TDRD12: variants seen among roughly 807,000 people sequenced by gnomAD.
TDRD12 encodes the protein tudor domain containing 12, also known as putative ATP-dependent RNA helicase TDRD12.
TDRD12 carries 158 observed loss-of-function variants against 133.5 expected under a neutral mutation model. The observed-to-expected ratio is 1.18, with a 90% confidence interval of 1.04 to 1.35. The LOEUF (loss-of-function observed/expected upper bound fraction) is 1.35. Among genes scored for constraint, TDRD12 ranks in the 40% most tolerant of loss-of-function variants. The pLI is 0.00. For missense variants in TDRD12, 1,443 were observed against 1,321.3 expected (o/e 1.09, Z -1.43); for synonymous variants, 460 against 477.9 (o/e 0.96, Z 0.49).
chr19:32,793,185 C>CAATAATAAT (rs36078920), intron 13 of TDRD12, among the ~76,000 whole-genome samples: 14 of 149,340 alleles, frequency 9.4e-5, no homozygotes, highest in African/African-American at 3.2e-4. Flanking sequence ...ACTCTGTCTA[C>CAATAATAAT]AATAATAATA....
At chr19:32,823,695 A>C (rs1451101288), downstream of TDRD12, among the ~76,000 whole-genome samples, 2 of 152,206 alleles carry the variant, frequency 1.3e-5, no homozygotes, top group East Asian at 3.9e-4. Flanking sequence ...CCACTGGAAA[A>C]GGGTTCTGAA....
chr19:32,727,063 A>G (rs1384950742), intron 1 of TDRD12, among the ~76,000 whole-genome samples: 3 of 152,188 alleles, frequency 2.0e-5, no homozygotes, highest in South Asian at 2.1e-4. Flanking sequence ...ACAGTGCACA[A>G]TGATTCCAGT....
intron 8 of TDRD12, among the ~76,000 whole-genome samples, chr19:32,769,962 C>T (rs764454574): frequency 2.0e-5 from 3 of 150,014 alleles, no homozygotes; most frequent in African/African-American, 4.9e-5. Flanking sequence ...TATATTTGGA[C>T]GTCTTTTCAT....
chr19:32,790,985 C>T lies in TDRD12; in HGVS notation c.1204C>T (p.Gln402Ter). 6.5e-7 allele frequency: 1 copy of T among 1,536,010 alleles called. No homozygotes were observed. Among genetic ancestry groups the T allele is most frequent in the East Asian group, 2.4e-5 (1 of 40,916 alleles). ...TCAGTTGCAGAAGCTGAAGGGCCTG[C>T]AGCCGCCCGTGGTAGTGCTCCGGAA... is the stretch of plus-strand genomic sequence containing the variant. The change falls in exon 13 of 28, where the codon CAG becomes TAG. Residue 402 changes from glutamine (Q) to a stop codon, truncating the protein, a stop_gained. Coordinates refer to ENST00000444215, the Ensembl canonical transcript of TDRD12. LOFTEE classifies it high-confidence loss of function.
downstream of TDRD12, chr19:32,824,319 T>C (rs1967511151): frequency 6.6e-6 from 1 of 152,608 alleles, no homozygotes; most frequent in South Asian, 2.1e-4. Flanking sequence ...CTCCGCAGGA[T>C]CTGCCAGCCC....
At chr19:32,780,084 C>CTTT (rs11395360) in intron 11 of TDRD12, among the ~76,000 whole-genome samples, 35 of 127,758 alleles carry the variant, frequency 2.7e-4, no homozygotes, top group African/African-American at 6.2e-4. Context: ...TTTTTCTTTT[C>CTTT]TTTTTTTTTT....
intron 26 of TDRD12, among the ~76,000 whole-genome samples, chr19:32,816,708 C>T (rs992776156): frequency 2.0e-5 from 3 of 152,170 alleles, no homozygotes; most frequent in Non-Finnish European, 4.4e-5. Context: ...GCTGCGCCAG[C>T]GTCTCCTCCC....
chr19:32,783,427 A>G (rs1213135622), intron 11 of TDRD12, among the ~76,000 whole-genome samples: 1 of 151,962 alleles, frequency 6.6e-6, no homozygotes, highest in Non-Finnish European at 1.5e-5. Flanking sequence ...TTCTTCCCCA[A>G]GATTGTCTTG....
chr19:32,829,222 G>A (rs538821133), exon 10 of TDRD12: 31 of 152,362 alleles, frequency 2.0e-4, no homozygotes, highest in African/African-American at 7.0e-4. Flanking sequence ...CAGGTGCGCC[G>A]AGTCTCTTTC....
chr19:32,725,843 G>C (rs1190357008), intron 1 of TDRD12, among the ~76,000 whole-genome samples: 1 of 152,034 alleles, frequency 6.6e-6, no homozygotes, highest in Non-Finnish European at 1.5e-5. Flanking sequence ...CTATCCGCGA[G>C]CATGGAATGT....
intron 22 of TDRD12, among the ~76,000 whole-genome samples, chr19:32,809,273 C>G (rs553990178): frequency 1.3e-3 from 192 of 152,268 alleles, no homozygotes; most frequent in Non-Finnish European, 1.9e-3. Context: ...CAGCCTTCAC[C>G]CACTGTGGAG....
chr19:32,732,500 G>A (rs1424389155), intron 2 of TDRD12, among the ~76,000 whole-genome samples: 4 of 152,190 alleles, frequency 2.6e-5, no homozygotes, highest in Non-Finnish European at 5.9e-5. Flanking sequence ...AGAGGGAATA[G>A]GGTCTTCAGT....
chr19:32,779,229 G>A (rs564139680), intron 11 of TDRD12, among the ~76,000 whole-genome samples: 1 of 152,350 alleles, frequency 6.6e-6, no homozygotes, highest in East Asian at 1.9e-4. Context: ...TGTGGGCAGA[G>A]GGGCACAGGG....
At chr19:32,756,604 G>C (rs1970002560) in intron 7 of TDRD12, among the ~76,000 whole-genome samples, 1 of 152,096 alleles carries the variant, frequency 6.6e-6, no homozygotes, top group Non-Finnish European at 1.5e-5. Context: ...CAGCCAGGAT[G>C]GTCTCAATCT....
intron 10 of TDRD12, among the ~76,000 whole-genome samples, chr19:32,775,811 G>T (rs998009841): frequency 1.3e-5 from 2 of 152,084 alleles, no homozygotes; most frequent in African/African-American, 4.8e-5. Context: ...CGTTTCCCTT[G>T]GCAGTCGATC....
chr19:32,779,059 G>T (rs1367294159), intron 11 of TDRD12, among the ~76,000 whole-genome samples: 1 of 152,216 alleles, frequency 6.6e-6, no homozygotes, highest in Admixed American at 6.5e-5. Flanking sequence ...AGCATTGGCT[G>T]CACTGCGTCC....
intron 24 of TDRD12, 101 bp downstream of exon 24, chr19:32,811,521 T>TG: frequency 8.5e-7 from 1 of 1,179,498 alleles, no homozygotes; most frequent in Non-Finnish European, 1.2e-6. Context: ...GTGTCACGTT[T>TG]GGGCAGGGAA....
Position 32,797,022 on chromosome 19 carries a change from C to A in TDRD12, c.1474-713C>A, listed in dbSNP as rs574182405. 1.7e-4 allele frequency among the ~76,000 whole-genome samples: 25 copies of A among 151,130 alleles called. 1 individual carries two copies. Among genetic ancestry groups the A allele is most frequent in the African/African-American group, 6.1e-4 (25 of 41,134 alleles). ...TTGAGATGGAGTCTCGCTCTGTCACCCAGGCTGGAGTGCAGTGGCTCCATC... is the reference window on the plus strand; with the variant it reads ...TTGAGATGGAGTCTCGCTCTGTCACACAGGCTGGAGTGCAGTGGCTCCATC... On this transcript the variant is annotated intron_variant, in intron 14 of 27. Transcript: ENST00000444215.
chr19:32,739,126 C>G, intron 3 of TDRD12, 134 bp downstream of exon 3: 1 of 1,113,034 alleles, frequency 9.0e-7, no homozygotes, highest in Non-Finnish European at 1.3e-6. Flanking sequence ...CTTTAGCTTC[C>G]AGAAGGGGTG....
Sources: gnomAD v4.1 joint callset for allele counts (sites outside exome capture counted in the v4.1 genomes callset) on GRCh38, gnomAD v4.1.1 for gene constraint, MANE v1.5 for transcripts, NCBI Gene and HGNC (gene_info 2026-07-23, HGNC 2026-07-21) for gene names.